The following CHODL variants were observed in gnomAD, a reference collection of about 807,000 sequenced individuals.
CHODL encodes the protein transmembrane protein MT75.
In CHODL, 29 loss-of-function variants were observed where a neutral mutation model predicts 34.5. The ratio of observed to expected loss-of-function variants is 0.84; its 90% CI spans 0.63 to 1.15. The LOEUF (loss-of-function observed/expected upper bound fraction) is 1.15. CHODL is among the 50% of genes most tolerant of loss of function. CHODL has a pLI of 0.00. For missense variants in CHODL, 332 were observed against 332.5 expected (o/e 1.00, Z 0.01); for synonymous variants, 125 against 116.1 (o/e 1.08, Z -0.49).
At chr21:18,174,121 GTGTA>G (rs1178961847) in intron 2 of CHODL, among the ~76,000 whole-genome samples, 740 of 60,852 alleles carry the variant, frequency 0.012, 89 homozygotes, top group African/African-American at 0.032. Flanking sequence ...ATATATCTTG[GTGTA>G]TATATATATA....
chr21:18,042,092 A>T (rs2064382934), intron 2 of CHODL, among the ~76,000 whole-genome samples: 2 of 151,762 alleles, frequency 1.3e-5, no homozygotes, highest in Non-Finnish European at 2.9e-5. Flanking sequence ...TAGAAAGTAT[A>T]CTCTTCAATA....
At chr21:18,010,297 C>CAAAAAAAAAAAAA (rs71189576) in intron 1 of CHODL, among the ~76,000 whole-genome samples, 4 of 38,780 alleles carry the variant, frequency 1.0e-4, no homozygotes, top group African/African-American at 2.0e-4. Context: ...ACTCCCGTCT[C>CAAAAAAAAAAAAA]AAAAAAAAAA....
intron 1 of CHODL, among the ~76,000 whole-genome samples, chr21:18,246,955 T>A (rs370760042): frequency 1.1e-4 from 16 of 152,198 alleles, no homozygotes; most frequent in African/African-American, 3.6e-4. Flanking sequence ...TCTATTTGAT[T>A]TAGCATAAAT....
chr21:18,247,271 T>C (rs905735554), intron 1 of CHODL, among the ~76,000 whole-genome samples: 13 of 152,138 alleles, frequency 8.5e-5, no homozygotes, highest in African/African-American at 3.1e-4. Flanking sequence ...CAAATCTTTA[T>C]TGAAGAGTAA....
chr21:18,241,249 T>C (rs2207391), upstream of CHODL, among the ~76,000 whole-genome samples: 6,256 of 145,178 alleles, frequency 0.043, 449 homozygotes, highest in African/African-American at 0.15. Context: ...ATTACTCAGA[T>C]AAAAAAAAAA....
chr21:18,094,101 C>T (rs1299676615), intron 2 of CHODL, among the ~76,000 whole-genome samples: 1 of 151,924 alleles, frequency 6.6e-6, no homozygotes, highest in East Asian at 1.9e-4. Context: ...GATTTCAAGA[C>T]AAAAACTGTA....
At chr21:18,180,017 G>A (rs968754444) in intron 2 of CHODL, among the ~76,000 whole-genome samples, 1 of 152,130 alleles carries the variant, frequency 6.6e-6, no homozygotes, top group East Asian at 1.9e-4. Flanking sequence ...ACATCTATAA[G>A]AAGATAATAA....
chr21:18,235,159 T>C (rs900382773), intron 2 of CHODL, among the ~76,000 whole-genome samples: 9 of 151,964 alleles, frequency 5.9e-5, no homozygotes, highest in Non-Finnish European at 2.9e-5. Context: ...GTACAAAAGA[T>C]AAAGAGGGTC....
At chr21:18,139,325 T>C (rs2072774288) in intron 2 of CHODL, among the ~76,000 whole-genome samples, 2 of 152,070 alleles carry the variant, frequency 1.3e-5, no homozygotes, top group African/African-American at 2.4e-5. Flanking sequence ...GGAGAACCCA[T>C]TGGAGGTAAA....
intron 2 of CHODL, among the ~76,000 whole-genome samples, chr21:18,099,258 A>C: frequency 6.6e-6 from 1 of 152,134 alleles, no homozygotes; most frequent in Non-Finnish European, 1.5e-5. Flanking sequence ...TGTAACACAA[A>C]GGATAAATGC....
At chr21:18,111,553 C>T (rs2065351190) in intron 2 of CHODL, among the ~76,000 whole-genome samples, 1 of 152,178 alleles carries the variant, frequency 6.6e-6, no homozygotes, top group Admixed American at 6.5e-5. Context: ...AACCTTTACA[C>T]AATGACAGGT....
chr21:18,021,283 A>G (rs950373321), intron 1 of CHODL, among the ~76,000 whole-genome samples: 2 of 152,180 alleles, frequency 1.3e-5, no homozygotes, highest in Non-Finnish European at 2.9e-5. Flanking sequence ...AGGGAAAATA[A>G]GCGTGTGTAA....
intron 2 of CHODL, among the ~76,000 whole-genome samples, chr21:18,211,856 T>A (rs1008626132): frequency 6.6e-6 from 1 of 152,220 alleles, no homozygotes; most frequent in Non-Finnish European, 1.5e-5. Flanking sequence ...TGCATTTTTT[T>A]ATTTGTTTGT....
chr21:17,943,966 G>A (rs2063385767), intron 1 of CHODL, among the ~76,000 whole-genome samples: 2 of 151,976 alleles, frequency 1.3e-5, no homozygotes, highest in African/African-American at 2.4e-5. Flanking sequence ...GTGGTAGCTC[G>A]GTGTTCCTGC....
chr21:18,037,596 T>A (rs2146448782), intron 2 of CHODL, among the ~76,000 whole-genome samples: 1 of 151,790 alleles, frequency 6.6e-6, no homozygotes, highest in African/African-American at 2.4e-5. Context: ...GTTAAGTGTG[T>A]AGTGAAGGGT....
intron 1 of CHODL, among the ~76,000 whole-genome samples, chr21:18,008,252 T>C (rs1300007903): frequency 2.0e-5 from 3 of 152,126 alleles, no homozygotes; most frequent in Non-Finnish European, 2.9e-5. Flanking sequence ...CGTATACCCA[T>C]GATACCGTCA....
At chr21:17,986,455 G>A (rs2063754504) in intron 1 of CHODL, among the ~76,000 whole-genome samples, 1 of 152,102 alleles carries the variant, frequency 6.6e-6, no homozygotes, top group Non-Finnish European at 1.5e-5. Context: ...GAGAATGATG[G>A]TTTGCAGCTT....
chr21:17,928,286 A>C (rs1789769949), intron 1 of CHODL, among the ~76,000 whole-genome samples: 1 of 152,240 alleles, frequency 6.6e-6, no homozygotes. Context: ...AGACTAGCAC[A>C]CATGAAAACA....
intron 2 of CHODL, among the ~76,000 whole-genome samples, chr21:18,201,875 G>A (rs1426203277): frequency 6.7e-6 from 1 of 148,492 alleles, no homozygotes; most frequent in African/African-American, 2.5e-5. Context: ...CGCGATCTCG[G>A]CTCACTGGAA....
Sources: allele counts gnomAD v4.1 joint callset (sites outside exome capture counted in the v4.1 genomes callset), GRCh38; gene constraint gnomAD v4.1.1; transcripts MANE v1.5; gene names NCBI Gene and HGNC (gene_info 2026-07-23, HGNC 2026-07-21).